Variants in SCN8A observed in about 807,000 individuals in gnomAD.
The protein encoded by SCN8A is sodium channel protein type 8 subunit alpha.
SCN8A carries 30 observed loss-of-function variants against 184.1 expected under a neutral mutation model. The ratio of observed to expected loss-of-function variants is 0.16; its 90% confidence interval spans 0.12 to 0.22. The LOEUF is 0.22. Ranked by LOEUF, SCN8A falls within the 10% of genes least tolerant of loss-of-function variation. The pLI is 1.00. For missense variants in SCN8A, 1,057 were observed against 2,498.9 expected, an observed-to-expected ratio of 0.42 and a Z score of 12.30; for synonymous variants, 852 against 907.0, an observed-to-expected ratio of 0.94 and a Z score of 1.09.
intron 1 of SCN8A, among the ~76,000 whole-genome samples, chr12:51,594,706 A>G (rs899589643): frequency 1.3e-5 from 2 of 152,186 alleles, no homozygotes; most frequent in African/African-American, 4.8e-5. Context: ...ACAGGGAAAA[A>G]GTCATCCTTA....
rs1161949098 is a variant in SCN8A, at chr12:51,810,520, A to ACAT, written c.*3092_*3094dup. ...AGCAGCGCAGCCACAGTATCACTGCACATATATATATAGATATATAAATAT... is the reference window on the plus strand; with the variant it reads ...AGCAGCGCAGCCACAGTATCACTGCACATCATATATATATAGATATATAAATAT... On this transcript the variant is annotated 3_prime_UTR_variant, in exon 27 of 27. Transcript: ENST00000627620. 8.2e-6 allele frequency: 3 copies of ACAT among 366,272 alleles called. No homozygotes were observed. The highest frequency in any genetic ancestry group is 6.6e-5 in the African/African-American group (3 of 45,308). The allele number at this position is 366,272 out of a possible 1,614,324, so 22.7% of individuals were successfully genotyped here.
At chr12:51,680,877 G>A (rs1193596463) in intron 2 of SCN8A, among the ~76,000 whole-genome samples, 1 of 152,042 alleles carries the variant, frequency 6.6e-6, no homozygotes, top group African/African-American at 2.4e-5. Context: ...GGTGGCAGGT[G>A]CCTGTAATCT....
At chr12:51,783,226 G>T (rs1382269574) in intron 21 of SCN8A, among the ~76,000 whole-genome samples, 1 of 152,126 alleles carries the variant, frequency 6.6e-6, no homozygotes, top group African/African-American at 2.4e-5. Flanking sequence ...GATTGGATTT[G>T]GCTAAGCGTA....
At chr12:51,720,075 C>CA (rs397944526) in intron 11 of SCN8A, among the ~76,000 whole-genome samples, 66,335 of 85,556 alleles carry the variant, frequency 0.78, 25,458 homozygotes, top group East Asian at 0.87. Context: ...GACTCCGTCT[C>CA]AAAAAAAAAA....
chr12:51,642,653 C>T (rs78353703), intron 1 of SCN8A, among the ~76,000 whole-genome samples: 1 of 151,850 alleles, frequency 6.6e-6, no homozygotes, highest in Non-Finnish European at 1.5e-5. Context: ...GACAAACATT[C>T]TCTCATCTGA....
intron 16 of SCN8A, 71 bp downstream of exon 16, chr12:51,766,098 C>A: frequency 8.5e-7 from 1 of 1,175,970 alleles, no homozygotes; most frequent in Non-Finnish European, 1.3e-6. Flanking sequence ...AAGCCCAAGT[C>A]CTTCTACTGC....
At chr12:51,592,808 T>TTA (rs1939258433) in intron 1 of SCN8A, among the ~76,000 whole-genome samples, 1 of 151,920 alleles carries the variant, frequency 6.6e-6, no homozygotes, top group Non-Finnish European at 1.5e-5. Context: ...GGTAGCAGTG[T>TTA]GTTAGGGCTG....
chr12:51,771,928 C>G (rs954193961), intron 19 of SCN8A, among the ~76,000 whole-genome samples: 4 of 152,212 alleles, frequency 2.6e-5, no homozygotes, highest in Non-Finnish European at 5.9e-5. Flanking sequence ...TATGACCCAT[C>G]ATTTGGCTCT....
At chr12:51,654,813 G>C (rs1249736545) in intron 1 of SCN8A, among the ~76,000 whole-genome samples, 1 of 152,130 alleles carries the variant, frequency 6.6e-6, no homozygotes, top group African/African-American at 2.4e-5. Context: ...CACCCAGCCT[G>C]AGACAAGACC....
Position 51,706,116 on chromosome 12 carries a change from T to G in SCN8A, c.1342-306T>G, listed in dbSNP as rs561917677. ...TTATACATTTTTAGGACCCATAATA[T>G]ATAATGTTACTTAGCATTCATTTCC... is the stretch of plus-strand genomic sequence containing the variant. On this transcript the variant is annotated intron_variant, in intron 10 of 26. Coordinates refer to ENST00000627620, the MANE Select transcript of SCN8A (RefSeq NM_001330260.2). 7.7e-4 allele frequency among the ~76,000 whole-genome samples: 118 copies of G among 152,342 alleles called. 1 individual carries two copies. Among genetic ancestry groups the G allele is most frequent in the African/African-American group, 2.5e-3 (105 of 41,592 alleles).
intron 26 of SCN8A, among the ~76,000 whole-genome samples, chr12:51,795,880 G>GAA (rs59764704): frequency 0.015 from 1,842 of 124,134 alleles, 34 homozygotes; most frequent in African/African-American, 0.047. Flanking sequence ...CTCTATCTCT[G>GAA]AAAAAAAAAA....
chr12:51,746,641 A>G (rs550308032), intron 13 of SCN8A, among the ~76,000 whole-genome samples: 16 of 152,114 alleles, frequency 1.1e-4, no homozygotes, highest in Non-Finnish European at 2.1e-4. Context: ...CTGTTGAATC[A>G]TAGCACGTCT....
chr12:51,741,573 A>G (rs1013400464), intron 12 of SCN8A, among the ~76,000 whole-genome samples: 1 of 151,588 alleles, frequency 6.6e-6, no homozygotes, highest in Non-Finnish European at 1.5e-5. Context: ...CCCTTAGTGA[A>G]GGTTATTTTC....
intron 2 of SCN8A, among the ~76,000 whole-genome samples, chr12:51,665,061 C>G (rs1941006320): frequency 6.6e-6 from 1 of 152,172 alleles, no homozygotes; most frequent in Admixed American, 6.5e-5. Context: ...AGGACATGAT[C>G]TCATTTCTAA....
rs548326109 is a variant in SCN8A at position 51,800,731 on chromosome 12, G to A, written c.4796-5551G>A. 2.0e-3 allele frequency among the ~76,000 whole-genome samples: 305 copies of A among 152,322 alleles called. 1 individual carries two copies. Among genetic ancestry groups the A allele is most frequent in the Middle Eastern group, 0.014 (4 of 294 alleles). ...CCATAAGCCCTTACTCTAACTGGAGGACCACAGTGATGTTTTGGGTCCCCT... is the reference window on the plus strand; with the variant it reads ...CCATAAGCCCTTACTCTAACTGGAGAACCACAGTGATGTTTTGGGTCCCCT... On this transcript the variant is annotated intron_variant, in intron 26 of 26. Coordinates refer to ENST00000627620, the MANE Select transcript of SCN8A (RefSeq NM_001330260.2).
intron 6 of SCN8A, chr12:51,689,554 T>TGATA: frequency 6.5e-6 from 1 of 153,688 alleles, no homozygotes; most frequent in Non-Finnish European, 1.4e-5. Flanking sequence ...AATTTTTTAA[T>TGATA]CACAGAAGAG....
intron 8 of SCN8A, among the ~76,000 whole-genome samples, chr12:51,701,767 A>G (rs1941693847): frequency 6.6e-6 from 1 of 152,160 alleles, no homozygotes; most frequent in Non-Finnish European, 1.5e-5. Context: ...CTTACATTAC[A>G]TGAAAATGCT....
intron 13 of SCN8A, among the ~76,000 whole-genome samples, chr12:51,750,644 A>G (rs1040773775): frequency 2.0e-5 from 3 of 152,194 alleles, no homozygotes; most frequent in Non-Finnish European, 4.4e-5. Flanking sequence ...TAATGAAGAT[A>G]ATAATAATAG....
intron 1 of SCN8A, among the ~76,000 whole-genome samples, chr12:51,655,860 T>C (rs953954261): frequency 6.6e-5 from 10 of 152,208 alleles, no homozygotes; most frequent in South Asian, 2.1e-4. Context: ...CACAATGATA[T>C]AGTAGTGGTA....
Sources: gnomAD v4.1 joint callset for allele counts (sites outside exome capture counted in the v4.1 genomes callset) on GRCh38, gnomAD v4.1.1 for gene constraint, MANE v1.5 for transcripts, NCBI Gene and HGNC (gene_info 2026-07-23, HGNC 2026-07-21) for gene names.